SGCZ: variants seen among roughly 807,000 people sequenced by gnomAD.
SGCZ encodes the protein sarcoglycan zeta.
Under a neutral mutation model 41.3 loss-of-function variants are expected in SGCZ, and 40 were observed. The observed-to-expected ratio is 0.97, with a 90% CI of 0.75 to 1.26. The LOEUF is 1.26. Ranked by LOEUF, SGCZ falls within the 50% of genes most tolerant of loss-of-function variation. SGCZ has a pLI of 0.00. For missense variants in SGCZ, 552 were observed against 369.8 expected (o/e 1.49, Z -4.04); for synonymous variants, 206 against 137.5 (o/e 1.50, Z -3.49).
intron 1 of SGCZ, among the ~76,000 whole-genome samples, chr8:15,057,261 G>A (rs557190856): frequency 6.6e-6 from 1 of 152,288 alleles, no homozygotes; most frequent in East Asian, 1.9e-4. Context: ...AGAATATGCA[G>A]GAAGGTTCCA....
intron 1 of SGCZ, among the ~76,000 whole-genome samples, chr8:14,682,326 C>A (rs1250916246): frequency 1.3e-5 from 2 of 152,116 alleles, no homozygotes; most frequent in African/African-American, 4.8e-5. Flanking sequence ...GCCTCCCATC[C>A]ACCAGATGGT....
At chr8:14,618,080 T>A (rs1806163572) in intron 1 of SGCZ, among the ~76,000 whole-genome samples, 1 of 135,778 alleles carries the variant, frequency 7.4e-6, no homozygotes, top group Non-Finnish European at 1.6e-5. Flanking sequence ...TGCCTTTTCA[T>A]ATATCCAACA....
chr8:14,669,383 AAG>A (rs1808024005), intron 1 of SGCZ, among the ~76,000 whole-genome samples: 7 of 35,532 alleles, frequency 2.0e-4, no homozygotes, highest in South Asian at 1.8e-3. Context: ...GTAAGTAAGT[AAG>A]TAAATAAATA....
chr8:15,146,738 G>A (rs1799047260), intron 1 of SGCZ, among the ~76,000 whole-genome samples: 1 of 152,062 alleles, frequency 6.6e-6, no homozygotes, highest in African/African-American at 2.4e-5. Context: ...TTTAAATTAT[G>A]TATTAATTAC....
chr8:15,102,813 G>A (rs1050743530), intron 1 of SGCZ, among the ~76,000 whole-genome samples: 1 of 152,028 alleles, frequency 6.6e-6, no homozygotes, highest in Non-Finnish European at 1.5e-5. Flanking sequence ...TTTTTCTCAA[G>A]TCTTACATTT....
intron 1 of SGCZ, among the ~76,000 whole-genome samples, chr8:14,982,079 G>A (rs1487985655): frequency 6.6e-6 from 1 of 151,836 alleles, no homozygotes; most frequent in Non-Finnish European, 1.5e-5. Flanking sequence ...GAACCCAGGA[G>A]GCGGAGTTTG....
Position 15,163,910 on chromosome 8 carries a change from C to G in SGCZ, c.39+73675G>C, listed in dbSNP as rs568222320. ...GAGGGTGTCCTCAGAGAAACTCCAGCCAGCCTGCCCACTGAGGTGGGGCCT... is the reference window on the plus strand; with the variant it reads ...GAGGGTGTCCTCAGAGAAACTCCAGGCAGCCTGCCCACTGAGGTGGGGCCT... On this transcript the variant is annotated intron_variant, in intron 1 of 7. Transcript: ENST00000382080. Among the ~76,000 whole-genome samples the G allele has an allele frequency of 5.3e-5, 8 of 152,322 alleles. No homozygotes were observed. The South Asian group carries it at 1.7e-3, about 32-fold the overall frequency.
At chr8:14,196,920 A>C (rs1212681874) in intron 4 of SGCZ, among the ~76,000 whole-genome samples, 1 of 152,182 alleles carries the variant, frequency 6.6e-6, no homozygotes, top group African/African-American at 2.4e-5. Flanking sequence ...ATTTATATAT[A>C]GAGAAAATAA....
intron 5 of SGCZ, among the ~76,000 whole-genome samples, chr8:14,119,370 T>G (rs1802622677): frequency 6.8e-6 from 1 of 148,092 alleles, no homozygotes; most frequent in African/African-American, 2.4e-5. Flanking sequence ...GTTTGTCTAT[T>G]ATTGGTGTTA....
At chr8:14,941,046 G>C (rs1184331669) in intron 1 of SGCZ, among the ~76,000 whole-genome samples, 1 of 151,848 alleles carries the variant, frequency 6.6e-6, no homozygotes, top group East Asian at 1.9e-4. Context: ...ATACTAAATA[G>C]ACAGGCAACA....
At chr8:14,935,509 G>A (rs1800056332) in intron 1 of SGCZ, among the ~76,000 whole-genome samples, 1 of 151,684 alleles carries the variant, frequency 6.6e-6, no homozygotes, top group African/African-American at 2.4e-5. Context: ...TTATGGTATT[G>A]GATAACAATC....
At chr8:15,162,407 C>G (rs926273070) in intron 1 of SGCZ, among the ~76,000 whole-genome samples, 1 of 152,184 alleles carries the variant, frequency 6.6e-6, no homozygotes, top group Non-Finnish European at 1.5e-5. Context: ...ACAACTGATA[C>G]TTTTCTTTCT....
chr8:14,301,273 A>C (rs1283211977), intron 3 of SGCZ, among the ~76,000 whole-genome samples: 1 of 152,018 alleles, frequency 6.6e-6, no homozygotes, highest in African/African-American at 2.4e-5. Context: ...TCTTTATAGA[A>C]TCTCCTCTTC....
chr8:14,933,599 T>A (rs559574661), intron 1 of SGCZ, among the ~76,000 whole-genome samples: 2 of 151,820 alleles, frequency 1.3e-5, no homozygotes, highest in African/African-American at 4.8e-5. Context: ...ACTCGGCTAA[T>A]TTTTCTTTCT....
rs1338022608 is a variant in SGCZ, at chr8:14,620,838, G to A, written c.40-65912C>T. On this transcript the variant is annotated intron_variant, in intron 1 of 7. Transcript: ENST00000382080. ...AAATAGGAACACTTTTACACTGTTG[G>A]TGGGACTGTAAACTAGTTGAACCAT... is the stretch of plus-strand genomic sequence containing the variant. 2.0e-5 allele frequency among the ~76,000 whole-genome samples: 3 copies of A among 152,174 alleles called. No homozygotes were observed. In the East Asian group the frequency reaches 5.8e-4, roughly 29 times the overall value.
At chr8:14,248,065 G>T (rs1799168003) in intron 3 of SGCZ, among the ~76,000 whole-genome samples, 1 of 152,122 alleles carries the variant, frequency 6.6e-6, no homozygotes, top group Non-Finnish European at 1.5e-5. Flanking sequence ...AAATTTTAAT[G>T]GAATTAGATA....
intron 3 of SGCZ, among the ~76,000 whole-genome samples, chr8:14,305,399 G>A (rs755177650): frequency 1.5e-4 from 23 of 152,022 alleles, no homozygotes; most frequent in African/African-American, 2.7e-4. Context: ...CCTAAACCAA[G>A]ACTTTTCAAA....
At chr8:15,115,951 G>C (rs1041198592) in intron 1 of SGCZ, among the ~76,000 whole-genome samples, 4 of 152,156 alleles carry the variant, frequency 2.6e-5, no homozygotes, top group African/African-American at 9.7e-5. Context: ...AACTTTAATA[G>C]GCCACATAGA....
At chr8:14,262,551 T>C (rs1360296283) in intron 3 of SGCZ, among the ~76,000 whole-genome samples, 2 of 151,952 alleles carry the variant, frequency 1.3e-5, no homozygotes, top group African/African-American at 4.8e-5. Context: ...TCTGCAAAAG[T>C]ATCCTATAAA....
Sources: gnomAD v4.1 joint callset for allele counts (sites outside exome capture counted in the v4.1 genomes callset) on GRCh38, gnomAD v4.1.1 for gene constraint, MANE v1.5 for transcripts, NCBI Gene and HGNC (gene_info 2026-07-23, HGNC 2026-07-21) for gene names.